Variants in BLTP1 observed in about 807,000 individuals in gnomAD.
BLTP1 encodes fragile site-associated protein.
the BLTP1 span, among the ~76,000 whole-genome samples, chr4:122,318,500 G>A: frequency 1.3e-5 from 2 of 152,208 alleles, no homozygotes; most frequent in East Asian, 3.8e-4. Flanking sequence ...TCCTGGGGAA[G>A]ACAATAGTCA....
chr4:122,307,233 A>G, the BLTP1 span, among the ~76,000 whole-genome samples: 1 of 152,136 alleles, frequency 6.6e-6, no homozygotes. Flanking sequence ...ATTTTATAAA[A>G]TATTTTAAAT....
At chr4:122,197,658 C>T in the BLTP1 span, among the ~76,000 whole-genome samples, 1 of 151,992 alleles carries the variant, frequency 6.6e-6, no homozygotes, top group Non-Finnish European at 1.5e-5. Context: ...GATTGGATGA[C>T]TGCAAGGCTT....
chr4:122,336,482 T>G, the BLTP1 span: 1 of 775,412 alleles, frequency 1.3e-6, no homozygotes, highest in Admixed American at 3.5e-5. Flanking sequence ...AATTATAAAC[T>G]GTAAAAGAAC....
the BLTP1 span, among the ~76,000 whole-genome samples, chr4:122,322,995 G>T: frequency 6.6e-6 from 1 of 152,090 alleles, no homozygotes; most frequent in Non-Finnish European, 1.5e-5. Flanking sequence ...TTTTCTGTGG[G>T]AACCTGGTGG....
the BLTP1 span, chr4:122,169,818 A>G: frequency 1.0e-6 from 1 of 985,286 alleles, no homozygotes; most frequent in South Asian, 4.7e-5. Flanking sequence ...TTTACTGTTC[A>G]GACTACCTAG....
the BLTP1 span, chr4:122,289,020 A>G: frequency 6.6e-7 from 1 of 1,503,830 alleles, no homozygotes; most frequent in Non-Finnish European, 9.0e-7. Flanking sequence ...GTTTAGGGTG[A>G]TTTATGTAAG....
At chr4:122,321,979 A>ATTTTTTTTTTTTT in the BLTP1 span, among the ~76,000 whole-genome samples, 12 of 27,020 alleles carry the variant, frequency 4.4e-4, no homozygotes, top group Admixed American at 1.1e-3. Context: ...ACTACATGTA[A>ATTTTTTTTTTTTT]TTTTTTTTTT....
the BLTP1 span, chr4:122,229,900 C>T: frequency 1.3e-6 from 2 of 1,583,670 alleles, no homozygotes; most frequent in Non-Finnish European, 1.7e-6. Flanking sequence ...AGAAATTACA[C>T]TTTTGTTTCA....
the BLTP1 span, chr4:122,171,966 C>G: frequency 1.0e-6 from 1 of 974,982 alleles, no homozygotes; most frequent in East Asian, 1.1e-4. Flanking sequence ...CTGAAGGACT[C>G]ATATAACAAC....
the BLTP1 span, among the ~76,000 whole-genome samples, chr4:122,236,309 G>A: frequency 2.0e-5 from 3 of 152,160 alleles, no homozygotes; most frequent in African/African-American, 7.2e-5. Flanking sequence ...GCTAGAATGA[G>A]AGCAGATTAT....
the BLTP1 span, chr4:122,178,175 A>G: frequency 1.2e-6 from 1 of 857,862 alleles, no homozygotes; most frequent in Non-Finnish European, 1.4e-6. Context: ...CTATTCCCAG[A>G]TAGACCTATA....
chr4:122,169,921 T>C, the BLTP1 span: 9 of 984,946 alleles, frequency 9.1e-6, no homozygotes, highest in South Asian at 2.8e-4. Flanking sequence ...TAGCTTAATA[T>C]GATAATATTA....
the BLTP1 span, chr4:122,309,529 G>T: frequency 6.4e-5 from 95 of 1,486,954 alleles, no homozygotes; most frequent in Non-Finnish European, 1.2e-5. Context: ...GTCTCCATTT[G>T]TGAAATTAAA....
At chr4:122,269,009 A>T in the BLTP1 span, 2 of 496,912 alleles carry the variant, frequency 4.0e-6, no homozygotes, top group Non-Finnish European at 5.2e-6. Context: ...CTTGTTATTT[A>T]AGTAAACCAC....
chr4:122,263,484 T>C, the BLTP1 span: 1 of 1,610,662 alleles, frequency 6.2e-7, no homozygotes, highest in South Asian at 1.1e-5. Context: ...CATCCCTTGC[T>C]ATCTGAGCCA....
chr4:122,209,007 TAAATAATACA>T, the BLTP1 span: 3 of 608,720 alleles, frequency 4.9e-6, no homozygotes, highest in Non-Finnish European at 6.4e-6. Context: ...AAAAAAAAGA[TAAATAATACA>T]ATAAAATAAA....
the BLTP1 span, among the ~76,000 whole-genome samples, chr4:122,156,529 G>A: frequency 6.6e-6 from 1 of 152,170 alleles, no homozygotes; most frequent in Non-Finnish European, 1.5e-5. Context: ...TTAAGAAATC[G>A]TTGATGACCT....
chr4:122,282,458 A>G, the BLTP1 span, among the ~76,000 whole-genome samples: 8 of 152,118 alleles, frequency 5.3e-5, no homozygotes, highest in East Asian at 1.5e-3. Flanking sequence ...TCTGGAAAAC[A>G]TAGCAAAACC....
At chr4:122,332,368 C>T in the BLTP1 span, among the ~76,000 whole-genome samples, 5 of 151,912 alleles carry the variant, frequency 3.3e-5, no homozygotes, top group South Asian at 2.1e-4. Flanking sequence ...TGAAACATAA[C>T]CCATAATAAA....
Sources: gnomAD v4.1 joint callset for allele counts (sites outside exome capture counted in the v4.1 genomes callset) on GRCh38, gnomAD v4.1.1 for gene constraint, MANE v1.5 for transcripts, NCBI Gene and HGNC (gene_info 2026-07-23, HGNC 2026-07-21) for gene names.